Variants in PCDHA4 observed in about 807,000 individuals in gnomAD.
PCDHA4 encodes the protein protocadherin alpha 4, also known as protocadherin alpha-4.
Under a neutral mutation model 61.4 loss-of-function variants are expected in PCDHA4, and 49 were observed. The ratio of observed to expected loss-of-function variants is 0.80; its 90% CI spans 0.63 to 1.01. The LOEUF (loss-of-function observed/expected upper bound fraction) is 1.01. Among genes scored for constraint, PCDHA4 ranks in the 50% least tolerant of loss-of-function variants. PCDHA4 has a pLI of 0.00. For synonymous variants in PCDHA4, 590 were observed against 550.3 expected, an observed-to-expected ratio of 1.07 and a Z score of -1.01; for missense variants, 1,254 against 1,235.8, an observed-to-expected ratio of 1.01 and a Z score of -0.22.
At chr5:140,820,167 G>T (rs1396971476) in intron 1 of PCDHA4, among the ~76,000 whole-genome samples, 1 of 151,812 alleles carries the variant, frequency 6.6e-6, no homozygotes, top group Non-Finnish European at 1.5e-5. Context: ...AAACTATTAG[G>T]CAAATAGTCT....
chr5:140,816,954 C>T (rs1766032613), intron 1 of PCDHA4: 1 of 152,160 alleles, frequency 6.6e-6, no homozygotes, highest in African/African-American at 2.4e-5. Context: ...TCAAGTGAGA[C>T]AGAAACTTGG....
intron 1 of PCDHA4, chr5:140,862,144 C>G (rs2047225935): frequency 1.2e-5 from 2 of 162,888 alleles, no homozygotes; most frequent in South Asian, 1.7e-4. Context: ...TTTGAGGAAA[C>G]TAAATAATGA....
chr5:140,812,345 C>G (rs1765088890), intron 1 of PCDHA4: 1 of 151,876 alleles, frequency 6.6e-6, no homozygotes. Flanking sequence ...GTAATGCCAC[C>G]TCTTTTGTTT....
intron 1 of PCDHA4, chr5:140,869,624 A>G: frequency 6.2e-7 from 1 of 1,613,850 alleles, no homozygotes; most frequent in African/African-American, 1.3e-5. Flanking sequence ...AGGCTAAGTA[A>G]AAATGAGTAT....
chr5:140,880,895 TAGAA>T (rs1421038707), intron 1 of PCDHA4, among the ~76,000 whole-genome samples: 2 of 152,090 alleles, frequency 1.3e-5, no homozygotes, highest in African/African-American at 4.8e-5. Context: ...TAGGGCCAGA[TAGAA>T]AGAATTAGAA....
chr5:140,967,273 A>G lies in PCDHA4; in HGVS notation c.2386-11676A>G, dbSNP rs2096121712. The G allele has an allele frequency of 1.9e-6, 3 of 1,613,332 alleles. No individual in the cohort carries two copies. Among genetic ancestry groups the G allele is most frequent in the South Asian group, 2.2e-5 (2 of 91,074 alleles). On this transcript the variant is annotated intron_variant, in intron 1 of 3. Transcript: ENST00000530339. ...TGGCGCCTGGAGCGCGCTTTCACAT[A>G]GAGAGTGCGCAGGACCCCGACGTGG...
intron 1 of PCDHA4, among the ~76,000 whole-genome samples, chr5:140,912,293 C>T (rs1231004722): frequency 6.6e-6 from 1 of 152,110 alleles, no homozygotes; most frequent in Admixed American, 6.6e-5. Flanking sequence ...AATACTTTGC[C>T]TCCTGTAATC....
intron 1 of PCDHA4, chr5:140,814,378 T>C (rs1765503898): frequency 1.3e-5 from 2 of 152,092 alleles, no homozygotes; most frequent in Admixed American, 1.3e-4. Flanking sequence ...TCATCTCCTA[T>C]GATAACAATA....
intron 3 of PCDHA4, among the ~76,000 whole-genome samples, chr5:140,992,437 T>G (rs1554252912): frequency 6.6e-6 from 1 of 151,938 alleles, no homozygotes; most frequent in African/African-American, 2.4e-5. Context: ...GTTCCAAGAG[T>G]TGGGAGCAGG....
intron 1 of PCDHA4, among the ~76,000 whole-genome samples, chr5:140,920,075 G>T (rs190821804): frequency 6.6e-6 from 1 of 152,316 alleles, no homozygotes; most frequent in Admixed American, 6.5e-5. Flanking sequence ...GGCAGAAACA[G>T]ATTCTCCGTA....
chr5:140,833,524 A>G (rs1772501533), intron 1 of PCDHA4, among the ~76,000 whole-genome samples: 1 of 152,220 alleles, frequency 6.6e-6, no homozygotes, highest in South Asian at 2.1e-4. Context: ...TATTCATAAC[A>G]CACAAGTGTT....
At chr5:140,941,255 C>CTTTCTCTT (rs782490896) in intron 1 of PCDHA4, among the ~76,000 whole-genome samples, 24 of 44,510 alleles carry the variant, frequency 5.4e-4, no homozygotes, top group African/African-American at 1.5e-3. Flanking sequence ...TTCTTTCTTT[C>CTTTCTCTT]TCTTTCTTTC....
chr5:140,808,216 C>T lies in PCDHA4; in HGVS notation c.1029C>T (p.Asn343=), dbSNP rs370721658. ...GAGTTATTGTGGAAGTAGAAGACAA[C>T]AACGATAATGTCCCAGATTTGGAAT... The part of the protein sequence containing the change: ...HCRVIVEVED[N]NDNVPDLEFK... Residue 343 remains asparagine (N), a synonymous_variant, in exon 1 of 4, where the codon AAC becomes AAT. Transcript: ENST00000530339. The T allele has an allele frequency of 1.2e-6, 2 of 1,614,108 alleles. No individual in the cohort carries two copies. Among genetic ancestry groups the T allele is most frequent in the African/African-American group, 2.7e-5 (2 of 74,954 alleles).
At chr5:140,829,852 AG>A in intron 1 of PCDHA4, 1 of 1,613,942 alleles carries the variant, frequency 6.2e-7, no homozygotes, top group Non-Finnish European at 8.5e-7. Flanking sequence ...CACTGGGTGC[AG>A]GCCAAGTGGT....
At chr5:140,853,282 C>T in intron 1 of PCDHA4, 5 of 980,348 alleles carry the variant, frequency 5.1e-6, no homozygotes, top group Non-Finnish European at 6.1e-6. Flanking sequence ...TCATCATATG[C>T]AAATTCTCAG....
chr5:140,963,927 T>C (rs1439271741), intron 1 of PCDHA4, among the ~76,000 whole-genome samples: 1 of 152,220 alleles, frequency 6.6e-6, no homozygotes, highest in East Asian at 1.9e-4. Context: ...AAGTAACATG[T>C]CCATAGCCAA....
At chr5:140,863,765 G>A (rs1385785601) in intron 1 of PCDHA4, 4 of 242,444 alleles carry the variant, frequency 1.6e-5, no homozygotes, top group African/African-American at 4.5e-5. Flanking sequence ...TTGGGAAGCC[G>A]AGGCGGGCGG....
intron 1 of PCDHA4, chr5:140,852,238 A>G: frequency 1.7e-6 from 1 of 575,312 alleles, no homozygotes; most frequent in South Asian, 7.7e-5. Context: ...ATTTTCCCTT[A>G]AAACACACTT....
chr5:140,929,164 G>A (rs1554206780), intron 1 of PCDHA4: 10 of 1,614,150 alleles, frequency 6.2e-6, no homozygotes, highest in East Asian at 2.2e-5. Context: ...TCTCTATCGG[G>A]CCTCTCTGGG....
Sources: gnomAD v4.1 joint callset for allele counts (sites outside exome capture counted in the v4.1 genomes callset) on GRCh38, gnomAD v4.1.1 for gene constraint, MANE v1.5 for transcripts, NCBI Gene and HGNC (gene_info 2026-07-23, HGNC 2026-07-21) for gene names.